TRPC4AP: variants seen among roughly 807,000 people sequenced by gnomAD.
TRPC4AP encodes the protein short transient receptor potential channel 4-associated protein.
Under a neutral mutation model 99.0 loss-of-function variants are expected in TRPC4AP, and 45 were observed. That is an observed-to-expected ratio of 0.45 (90% CI 0.36 to 0.58). The LOEUF is 0.58. Among genes scored for constraint, TRPC4AP ranks in the 20% least tolerant of loss-of-function variants. The pLI is 0.00. For synonymous variants in TRPC4AP, 408 were observed against 385.8 expected, an observed-to-expected ratio of 1.06 and a Z score of -0.67; for missense variants, 879 against 985.3, an observed-to-expected ratio of 0.89 and a Z score of 1.44.
At chr20:35,053,969 T>G (rs1432932444) in intron 5 of TRPC4AP, among the ~76,000 whole-genome samples, 1 of 152,228 alleles carries the variant, frequency 6.6e-6, no homozygotes, top group Non-Finnish European at 1.5e-5. Context: ...TGTTGGCTGC[T>G]AAGAAGCTTG....
At chr20:35,086,348 TTTAATGGGGTATGATTCAG>T in intron 1 of TRPC4AP, among the ~76,000 whole-genome samples, 1 of 152,004 alleles carries the variant, frequency 6.6e-6, no homozygotes, top group Non-Finnish European at 1.5e-5. Flanking sequence ...TTTTGTGTCC[TTTAATGGGGTATGATTCAG>T]TAAAATTAGG....
In TRPC4AP at chr20:35,086,475, GTATGTGTGTGTA is replaced by G. The variant is rs1272038391; in HGVS notation, c.168+6127_168+6138del. Reference sequence around the variant, plus strand: ...TGTGTGTGTGTGTGTGTGTGTGTGTGTATGTGTGTGTATATATATATGTGTATATATATGTGT... The same window carrying G: ...TGTGTGTGTGTGTGTGTGTGTGTGTGTATATATATGTGTATATATATGTGT... On this transcript the variant is annotated intron_variant, in intron 1 of 18. Transcript: ENST00000252015. 2.6e-5 allele frequency among the ~76,000 whole-genome samples: 3 copies of G among 116,500 alleles called. 1 individual carries two copies. Among genetic ancestry groups the G allele is most frequent in the African/African-American group, 9.5e-5 (3 of 31,436 alleles). The allele number at this position is 116,500 out of a possible 152,430, so 76.4% of individuals were successfully genotyped here.
chr20:35,076,544 G>T (rs1405020357), intron 2 of TRPC4AP, among the ~76,000 whole-genome samples: 1 of 152,318 alleles, frequency 6.6e-6, no homozygotes, highest in African/African-American at 2.4e-5. Flanking sequence ...GACCCTGTTT[G>T]TCTGGGTATC....
chr20:35,050,849 T>C (rs928763261), intron 5 of TRPC4AP, among the ~76,000 whole-genome samples: 11 of 151,580 alleles, frequency 7.3e-5, no homozygotes, highest in South Asian at 2.1e-4. Flanking sequence ...AACTGCAGTA[T>C]TGTCAAGTGC....
At chr20:35,089,015 T>C (rs1219923931) in intron 1 of TRPC4AP, among the ~76,000 whole-genome samples, 3 of 148,928 alleles carry the variant, frequency 2.0e-5, no homozygotes, top group Non-Finnish European at 4.4e-5. Flanking sequence ...AATGGGAATA[T>C]ACTTCACATT....
chr20:35,043,269 C>T (rs2083482005), intron 7 of TRPC4AP, among the ~76,000 whole-genome samples: 3 of 142,426 alleles, frequency 2.1e-5, no homozygotes, highest in Non-Finnish European at 3.0e-5. Flanking sequence ...TTTTTTGAGA[C>T]GGAGTCTAAT....
intron 4 of TRPC4AP, among the ~76,000 whole-genome samples, chr20:35,056,494 G>A (rs910981580): frequency 4.9e-5 from 4 of 81,952 alleles, no homozygotes; most frequent in African/African-American, 1.1e-4. Flanking sequence ...CATTAAAAAT[G>A]AATATAAATC....
intron 1 of TRPC4AP, among the ~76,000 whole-genome samples, chr20:35,089,367 CA>C (rs780534738): frequency 8.0e-5 from 12 of 150,678 alleles, no homozygotes; most frequent in Non-Finnish European, 1.5e-4. Context: ...GCTGGGACTA[CA>C]GGCATGCATT....
intron 6 of TRPC4AP, among the ~76,000 whole-genome samples, chr20:35,045,533 G>A (rs894033457): frequency 1.3e-5 from 2 of 151,862 alleles, no homozygotes; most frequent in Non-Finnish European, 1.5e-5. Flanking sequence ...ATTACACCTG[G>A]CTACTTTTTT....
intron 1 of TRPC4AP, among the ~76,000 whole-genome samples, chr20:35,088,619 T>A (rs1045494853): frequency 6.6e-6 from 1 of 152,228 alleles, no homozygotes; most frequent in African/African-American, 2.4e-5. Context: ...TTAATCCTCC[T>A]AACAACTTTA....
At chr20:35,037,848 G>A (rs1212854687) in intron 7 of TRPC4AP, among the ~76,000 whole-genome samples, 11 of 152,162 alleles carry the variant, frequency 7.2e-5, no homozygotes, top group Non-Finnish European at 4.4e-5. Flanking sequence ...ATTTAGTACA[G>A]AAACATGCTG....
Position 35,003,072 on chromosome 20 carries a change from C to A in TRPC4AP, c.*74G>T. ...AGAGAGCAGCAGGGAGGAACGGGAA[C>A]AGGGCAGGGCGTGTGGCATCGTACC... On this transcript the variant is annotated 3_prime_UTR_variant, in exon 19 of 19. Transcript: ENST00000252015. 6.3e-7 allele frequency: 1 copy of A among 1,581,682 alleles called. No individual in the cohort carries two copies.
At chr20:35,035,827 G>GAGAAAC (rs764624854) in intron 7 of TRPC4AP, among the ~76,000 whole-genome samples, 3 of 151,924 alleles carry the variant, frequency 2.0e-5, no homozygotes, top group African/African-American at 7.3e-5. Flanking sequence ...TTACTTGTTA[G>GAGAAAC]AGAGTAAATT....
At position 35,073,940 on chromosome 20, in the gene TRPC4AP, C is replaced by T. The variant is rs373757803; in HGVS notation, c.297+4106G>A. Among the ~76,000 whole-genome samples the T allele has an allele frequency of 2.9e-4, 44 of 152,276 alleles. No individual in the cohort carries two copies. The East Asian group carries it at 8.1e-3, about 28-fold the overall frequency. On this transcript the variant is annotated intron_variant, in intron 2 of 18. Coordinates refer to ENST00000252015, the MANE Select transcript of TRPC4AP (RefSeq NM_015638.3). ...GGTAGGCTATTAATTATTGCCTCAA[C>T]TTCAGAGCCTGTTATTGGTCTATTC...
chr20:35,031,009 T>C (rs2083177785), intron 8 of TRPC4AP, among the ~76,000 whole-genome samples: 3 of 152,344 alleles, frequency 2.0e-5, no homozygotes, highest in African/African-American at 7.2e-5. Context: ...TCAGTTTTTC[T>C]TTTCTAAGAA....
At chr20:35,072,400 T>C (rs2145998807) in intron 2 of TRPC4AP, among the ~76,000 whole-genome samples, 1 of 132,920 alleles carries the variant, frequency 7.5e-6, no homozygotes, top group Non-Finnish European at 1.7e-5. Flanking sequence ...TCTTCTAGGG[T>C]TTTTATGGTT....
At chr20:35,015,270 G>A (rs2082723866) in intron 10 of TRPC4AP, among the ~76,000 whole-genome samples, 1 of 151,972 alleles carries the variant, frequency 6.6e-6, no homozygotes, top group Admixed American at 6.6e-5. Context: ...CAAACTGCTG[G>A]GATTACGGGT....
At chr20:35,087,394 CAG>C (rs2084917449) in intron 1 of TRPC4AP, among the ~76,000 whole-genome samples, 2 of 151,548 alleles carry the variant, frequency 1.3e-5, no homozygotes, top group Non-Finnish European at 2.9e-5. Flanking sequence ...AAGGAACACT[CAG>C]GGGCATTTAG....
intron 18 of TRPC4AP, 54 bp downstream of exon 18, chr20:35,003,354 TGA>T: frequency 6.2e-7 from 1 of 1,612,258 alleles, no homozygotes; most frequent in Non-Finnish European, 8.5e-7. Flanking sequence ...GACACCCCTC[TGA>T]GAGGCCCTGG....
Sources: gnomAD v4.1 joint callset for allele counts (sites outside exome capture counted in the v4.1 genomes callset) on GRCh38, gnomAD v4.1.1 for gene constraint, MANE v1.5 for transcripts, NCBI Gene and HGNC (gene_info 2026-07-23, HGNC 2026-07-21) for gene names.